AR: variants seen among roughly 807,000 people sequenced by gnomAD.
AR encodes androgen receptor.
Under a neutral mutation model 53.9 loss-of-function variants are expected in AR, and 8 were observed. That is an observed-to-expected ratio of 0.15 (90% confidence interval 0.09 to 0.27). AR has a LOEUF of 0.27. AR is among the 10% of genes least tolerant of loss of function. AR has a pLI of 1.00. For synonymous variants in AR, 359 were observed against 316.4 expected, an observed-to-expected ratio of 1.13 and a Z score of -1.43; for missense variants, 639 against 742.5, an observed-to-expected ratio of 0.86 and a Z score of 1.62.
chrX:67,690,355 T>C (rs1379494919), intron 3 of AR, among the ~76,000 whole-genome samples: 3 of 111,870 alleles, frequency 2.7e-5, no homozygotes, highest in Non-Finnish European at 3.8e-5. Flanking sequence ...CTGATGTCGT[T>C]ATGGACGCTA....
intron 1 of AR, among the ~76,000 whole-genome samples, chrX:67,626,634 A>ATATT (rs1491072528): frequency 2.2e-5 from 2 of 89,107 alleles, no homozygotes; most frequent in African/African-American, 7.5e-5. Flanking sequence ...ATATATATAT[A>ATATT]TTTATTATTA....
chrX:67,704,149 G>T (rs1806642684), intron 3 of AR, among the ~76,000 whole-genome samples: 1 of 111,635 alleles, frequency 9.0e-6, no homozygotes, highest in African/African-American at 3.3e-5. Flanking sequence ...ATAATCCTTT[G>T]GGTATATACC....
intron 1 of AR, among the ~76,000 whole-genome samples, chrX:67,595,370 A>G (rs762237137): frequency 5.4e-5 from 6 of 111,253 alleles, no homozygotes; most frequent in Admixed American, 1.9e-4. Flanking sequence ...TCTTAAAAAA[A>G]AAACTTTTTA....
At chrX:67,568,823 C>T in intron 1 of AR, 1 of 1,110,567 alleles carries the variant, frequency 9.0e-7, no homozygotes, top group Non-Finnish European at 1.2e-6. Context: ...TGCCAAGTTG[C>T]TCTCTTCTCC....
chrX:67,675,635 T>C (rs572572731), intron 2 of AR, among the ~76,000 whole-genome samples: 36 of 111,979 alleles, frequency 3.2e-4, no homozygotes, highest in Non-Finnish European at 6.0e-4. Context: ...AAGCCTGCTC[T>C]GAACACCATG....
Position 67,728,085 on chromosome X carries a change from A to T in AR, c.*4244A>T, listed in dbSNP as rs1267579769. On this transcript the variant is annotated 3_prime_UTR_variant, in exon 8 of 8. Transcript: ENST00000374690. The stretch of plus-strand genomic sequence containing the variant: ...CTAAGATACCAAAATTCATAAGGGC[A>T]GGGGGGGAGCAAGCATTAGTGCCTC... The T allele has an allele frequency of 1.2e-5, 2 of 171,657 alleles. No homozygotes were observed. Among genetic ancestry groups the T allele is most frequent in the Non-Finnish European group, 2.2e-5 (2 of 90,376 alleles). 14.1% of individuals were successfully genotyped at this position (171,657 alleles called of 1,213,427 possible). A position where few individuals can be genotyped will look rare whatever the true frequency, so the allele number is the denominator to read the frequency against.
chrX:67,660,390 A>T lies in AR; in HGVS notation c.1768+16983A>T, dbSNP rs150182679. On this transcript the variant is annotated intron_variant, in intron 2 of 7. Transcript: ENST00000374690. The stretch of plus-strand genomic sequence containing the variant: ...TAATCCATCTTGAATTAATTTTAGT[A>T]TAAGGTGTAAGGAAGGGATCCAGTT... Among the ~76,000 whole-genome samples, 1,075 of 111,839 alleles carry T rather than the reference A, an allele frequency of 9.6e-3. 17 individuals are homozygous for T. The highest frequency in any genetic ancestry group is 0.034 in the African/African-American group (1,034 of 30,740).
At chrX:67,592,337 G>A (rs1922868274) in intron 1 of AR, among the ~76,000 whole-genome samples, 1 of 111,870 alleles carries the variant, frequency 8.9e-6, no homozygotes, top group Non-Finnish European at 1.9e-5. Flanking sequence ...TTACACAAAG[G>A]ATTAATTTGG....
intron 1 of AR, among the ~76,000 whole-genome samples, chrX:67,622,815 C>A (rs1924443525): frequency 8.9e-6 from 1 of 112,046 alleles, no homozygotes; most frequent in Non-Finnish European, 1.9e-5. Flanking sequence ...CTTCCTATAG[C>A]AATTGCCATC....
intron 1 of AR, among the ~76,000 whole-genome samples, chrX:67,581,391 AT>A (rs1278386375): frequency 8.9e-6 from 1 of 111,929 alleles, no homozygotes; most frequent in Non-Finnish European, 1.9e-5. Context: ...GTTGAAAAAA[AT>A]ATTGAATATT....
intron 2 of AR, among the ~76,000 whole-genome samples, chrX:67,659,352 T>A (rs1398309332): frequency 9.0e-6 from 1 of 110,957 alleles, no homozygotes; most frequent in Non-Finnish European, 1.9e-5. Context: ...TATCTCCTAA[T>A]GCTATCCTTC....
chrX:67,550,742 C>T (rs1459408102), intron 1 of AR, among the ~76,000 whole-genome samples: 1 of 109,868 alleles, frequency 9.1e-6, no homozygotes, highest in Non-Finnish European at 1.9e-5. Context: ...CCCCCCACCT[C>T]CACCATTTTC....
chrX:67,697,738 A>G (rs984546897), intron 3 of AR, among the ~76,000 whole-genome samples: 3 of 111,821 alleles, frequency 2.7e-5, no homozygotes, highest in Admixed American at 9.5e-5. Context: ...TATAGATGAG[A>G]AAAACTGAGG....
chrX:67,579,562 A>C, intron 1 of AR, among the ~76,000 whole-genome samples: 1 of 112,035 alleles, frequency 8.9e-6, no homozygotes, highest in East Asian at 2.8e-4. Context: ...AATGTCAAAC[A>C]GGCAGTCCTT....
chrX:67,719,462 G>A (rs1271205036), intron 5 of AR, among the ~76,000 whole-genome samples: 1 of 111,013 alleles, frequency 9.0e-6, no homozygotes, highest in Non-Finnish European at 1.9e-5. Context: ...ATCCCACCTC[G>A]GCTTCCTGGT....
At chrX:67,599,110 G>T (rs1923223266) in intron 1 of AR, among the ~76,000 whole-genome samples, 1 of 111,926 alleles carries the variant, frequency 8.9e-6, no homozygotes, top group South Asian at 3.7e-4. Flanking sequence ...TATTGAGCGG[G>T]TGGCAGTGGC....
chrX:67,668,218 A>C (rs1927362327), intron 2 of AR, among the ~76,000 whole-genome samples: 1 of 111,706 alleles, frequency 9.0e-6, no homozygotes, highest in African/African-American at 3.2e-5. Flanking sequence ...TATGGCTTTT[A>C]TTATGTTGAA....
At chrX:67,580,081 T>G (rs1167671291) in intron 1 of AR, among the ~76,000 whole-genome samples, 1 of 109,693 alleles carries the variant, frequency 9.1e-6, no homozygotes, top group Non-Finnish European at 1.9e-5. Context: ...CTCATGCGTA[T>G]TTGTCAGATC....
Position 67,723,736 on chromosome X carries a change from C to A in AR, c.2658C>A (p.His886Gln), listed in dbSNP as rs2076147009. 3 of 1,210,841 alleles carry A rather than the reference C, an allele frequency of 2.5e-6. No homozygotes were observed. The South Asian group carries it at 5.3e-5, about 21-fold the overall frequency. ...CTTTTGACCTGCTAATCAAGTCACA[C>A]ATGGTGAGCGTGGACTTTCCGGAAA... Reference protein sequence around the residue: ...QFTFDLLIKSHMVSVDFPEMM... With the variant: ...QFTFDLLIKSQMVSVDFPEMM... Residue 886 changes from histidine (H) to glutamine (Q), a missense_variant, in exon 8 of 8, where the codon CAC (histidine) becomes CAA (glutamine). By Grantham distance (24) the His-to-Gln change is conservative. This residue lies in a region of AR where 95 missense variants were observed against 196.4 expected (regional missense o/e 0.48). Transcript: ENST00000374690.
Sources: gnomAD v4.1 joint callset for allele counts (sites outside exome capture counted in the v4.1 genomes callset) on GRCh38, gnomAD v4.1.1 for gene constraint, gnomAD v4.1.1 regional missense constraint, MANE v1.5 for transcripts, NCBI Gene and HGNC (gene_info 2026-07-23, HGNC 2026-07-21) for gene names.